Variants in ZFP36L1 observed in about 807,000 individuals in gnomAD.
The protein encoded by ZFP36L1 is ZFP36 like 1 zinc finger CCCH-type, also known as mRNA decay activator protein ZFP36L1.
ZFP36L1 carries 4 observed loss-of-function variants against 16.7 expected under a neutral mutation model. The observed-to-expected ratio is 0.24, with a 90% CI of 0.12 to 0.55. The LOEUF (loss-of-function observed/expected upper bound fraction) is 0.55. Ranked by LOEUF, ZFP36L1 falls within the 20% of genes least tolerant of loss-of-function variation. The probability of loss-of-function intolerance (pLI) is 0.94; values close to 1 mark genes in which losing one functional copy is unlikely to be tolerated. For missense variants in ZFP36L1, 311 were observed against 449.2 expected, an observed-to-expected ratio of 0.69 and a Z score of 2.78; for synonymous variants, 220 against 190.8, an observed-to-expected ratio of 1.15 and a Z score of -1.26.
chr14:68,791,907 G>A (rs1895082495), intron 1 of ZFP36L1, among the ~76,000 whole-genome samples: 1 of 152,132 alleles, frequency 6.6e-6, no homozygotes, highest in African/African-American at 2.4e-5. Context: ...GGAAAACAGA[G>A]CAACATGACC....
Position 68,790,166 on chromosome 14 carries a change from G to A in ZFP36L1, c.384C>T (p.Ala128=). Residue 128 remains alanine (A), a synonymous_variant, in exon 2 of 2, where the codon GCC becomes GCT. Coordinates refer to ENST00000439696, the MANE Select transcript of ZFP36L1 (RefSeq NM_004926.4). ...ACTGGCACTTGTCCCCGTACTTACA[G>A]GCACCGTTTTCCTCAAAGGGGCGGC... ...ELCRPFEENG[A]CKYGDKCQFA... 6.2e-7 allele frequency: 1 copy of A among 1,612,158 alleles called. No individual in the cohort carries two copies. The highest frequency in any genetic ancestry group is 1.1e-5 in the South Asian group (1 of 91,004).
At chr14:68,792,375 C>G (rs1211176970) in intron 1 of ZFP36L1, among the ~76,000 whole-genome samples, 1 of 152,298 alleles carries the variant, frequency 6.6e-6, no homozygotes, top group Admixed American at 6.5e-5. Flanking sequence ...TGAATCACAA[C>G]TTGGCCTTTC....
chr14:68,793,742 C>T (rs1566561630), upstream of ZFP36L1: 2 of 985,506 alleles, frequency 2.0e-6, no homozygotes, highest in Non-Finnish European at 2.4e-6. Context: ...ATGTTCAAGC[C>T]TAGGATTTTA....
chr14:68,793,834 T>C (rs1895178137), upstream of ZFP36L1: 7 of 979,236 alleles, frequency 7.1e-6, no homozygotes, highest in Non-Finnish European at 8.5e-6. Flanking sequence ...CAGGAGGACA[T>C]GGTCTGGCGG....
intron 1 of ZFP36L1, among the ~76,000 whole-genome samples, chr14:68,791,924 G>A (rs2140211008): frequency 6.6e-6 from 1 of 152,332 alleles, no homozygotes; most frequent in African/African-American, 2.4e-5. Flanking sequence ...GACCCGACGT[G>A]TTAAGAGAAG....
intron 1 of ZFP36L1, among the ~76,000 whole-genome samples, chr14:68,792,557 C>T (rs1895118757): frequency 6.6e-6 from 1 of 152,256 alleles, no homozygotes; most frequent in Non-Finnish European, 1.5e-5. Context: ...TCCAGCAGCA[C>T]GTTACGTAAA....
chr14:68,792,601 C>T (rs561269478), intron 1 of ZFP36L1, among the ~76,000 whole-genome samples: 3 of 152,092 alleles, frequency 2.0e-5, no homozygotes, highest in African/African-American at 7.2e-5. Flanking sequence ...CAATCCCAGC[C>T]CTCCCCCCGA....
In ZFP36L1 at chr14:68,790,447, G is replaced by A; in HGVS notation, c.103C>T (p.Leu35=). The part of the protein sequence containing the change: ...NYSAPSAGGC[L]LDRKAVGTPA... ...GTGCCCACTGCCTTTCTGTCCAGCA[G>A]GCAACCCCCTGCACTGGGAGCACTA... Residue 35 remains leucine (L), a synonymous_variant, in exon 2 of 2, where the codon CTG becomes TTG. Coordinates refer to ENST00000439696, the MANE Select transcript of ZFP36L1 (RefSeq NM_004926.4). 1.2e-6 allele frequency: 2 copies of A among 1,614,110 alleles called. No individual in the cohort carries two copies. Among genetic ancestry groups the A allele is most frequent in the Non-Finnish European group, 1.7e-6 (2 of 1,180,006 alleles).
In ZFP36L1 at chr14:68,788,416, C is replaced by G. The variant is rs1191118590; in HGVS notation, c.*1117G>C. ...TGCAGTGACAAGCAAAATTTTTGCT[C>G]TCCAATTTCTGAAAGTTATATGAAG... On this transcript the variant is annotated 3_prime_UTR_variant, in exon 2 of 2. Coordinates refer to ENST00000439696, the MANE Select transcript of ZFP36L1 (RefSeq NM_004926.4). 6.6e-6 allele frequency: 1 copy of G among 152,628 alleles called. No homozygotes were observed. The highest frequency in any genetic ancestry group is 1.5e-5 in the Non-Finnish European group (1 of 68,026). 9.5% of individuals were successfully genotyped at this position (152,628 alleles called of 1,614,324 possible).
At chr14:68,795,241 T>C (rs1895217027), upstream of ZFP36L1, among the ~76,000 whole-genome samples, 1 of 152,118 alleles carries the variant, frequency 6.6e-6, no homozygotes, top group Non-Finnish European at 1.5e-5. Context: ...ACCACAAGGT[T>C]AGTCTGAGTT....
In ZFP36L1 at chr14:68,789,377, A is replaced by C; in HGVS notation, c.*156T>G. The stretch of plus-strand genomic sequence containing the variant: ...TGTTAGGTGGGGTTATGAGGGGGAG[A>C]GGGAGGGCACATTCTGAGGTGCTGG... On this transcript the variant is annotated 3_prime_UTR_variant, in exon 2 of 2. Transcript: ENST00000439696. This position sits in a 1 kb window ranked among gnomAD's most constrained non-coding sequence, Gnocchi z 4.5. 1 of 1,096,888 alleles carries C rather than the reference A, an allele frequency of 9.1e-7. No homozygotes were observed. The highest frequency in any genetic ancestry group is 1.3e-6 in the Non-Finnish European group (1 of 777,698). 67.9% of individuals were successfully genotyped at this position (1,096,888 alleles called of 1,614,324 possible). A position where few individuals can be genotyped will look rare whatever the true frequency, so the allele number is the denominator to read the frequency against.
rs1895031394 is a variant in ZFP36L1 at position 68,790,232 on chromosome 14, C to G, written c.318G>C (p.Gly106=). ...ERLLPTQKQP[G]GGQVNSSRYK... is the part of the protein sequence containing the mutation. ...AGCGGCTGGAGTTGACCTGGCCGCC[C>G]CCGGGCTGCTTCTGGGTGGGCAGCA... Residue 106 remains glycine (G), a synonymous_variant, in exon 2 of 2, where the codon GGG becomes GGC. Transcript: ENST00000439696. The G allele has an allele frequency of 1.2e-6, 2 of 1,612,456 alleles. No homozygotes were observed. Among genetic ancestry groups the G allele is most frequent in the African/African-American group, 2.7e-5 (2 of 74,934 alleles).
chr14:68,796,212 G>A, upstream of ZFP36L1: 3 of 1,366,808 alleles, frequency 2.2e-6, no homozygotes, highest in Non-Finnish European at 2.9e-6. Flanking sequence ...GGAGGTGGTG[G>A]TGGGGTGGGA....
upstream of ZFP36L1, among the ~76,000 whole-genome samples, chr14:68,795,239 G>A (rs939810045): frequency 6.6e-6 from 1 of 152,132 alleles, no homozygotes; most frequent in African/African-American, 2.4e-5. Context: ...AAACCACAAG[G>A]TTAGTCTGAG....
At position 68,790,055 on chromosome 14, in the gene ZFP36L1, G is replaced by C; in HGVS notation, c.495C>G (p.Gly165=). 1 of 1,610,982 alleles carries C rather than the reference G, an allele frequency of 6.2e-7. No homozygotes were observed. Among genetic ancestry groups the C allele is most frequent in the South Asian group, 1.1e-5 (1 of 90,904 alleles). The change falls in exon 2 of 2, where the codon GGC becomes GGG. Residue 165 remains glycine (G), a synonymous_variant. Coordinates refer to ENST00000439696, the MANE Select transcript of ZFP36L1 (RefSeq NM_004926.4). ...TELCRTFHTI[G]FCPYGPRCHF... is the part of the protein sequence containing the mutation. ...GGCAGCGGGGCCCGTAGGGGCAAAA[G>C]CCGATGGTGTGGAAGGTGCGGCACA...
At position 68,792,992 on chromosome 14, in the gene ZFP36L1, G is replaced by C. The variant is rs1375186512; in HGVS notation, c.-54C>G. On this transcript the variant is annotated 5_prime_UTR_variant, in exon 1 of 2. Transcript: ENST00000439696. ...GGATCTGGTGTGTCGCGAAGGTCCC[G>C]GTGCGGGGAAGGCGCAGCCTCTCCT... 28 of 1,611,310 alleles carry C rather than the reference G, an allele frequency of 1.7e-5. No individual in the cohort carries two copies. The highest frequency in any genetic ancestry group is 2.4e-5 in the Non-Finnish European group (28 of 1,179,604).
In ZFP36L1 at chr14:68,790,601, A is replaced by T. The variant is rs998670158; in HGVS notation, c.58-109T>A. ...ACGCCCGCTCTTTCTCAAAGAACTC[A>T]TCTCTACCTCGGCTCTAGCAAGCTC... On this transcript the variant is annotated intron_variant, in intron 1 of 1. Coordinates refer to ENST00000439696, the MANE Select transcript of ZFP36L1 (RefSeq NM_004926.4). The T allele has an allele frequency of 2.8e-6, 4 of 1,449,646 alleles. No homozygotes were observed. The Admixed American group carries it at 6.0e-5, about 22-fold the overall frequency. The allele number at this position is 1,449,646 out of a possible 1,614,324, so 89.8% of individuals were successfully genotyped here.
At chr14:68,792,184 TC>T (rs374976069) in intron 1 of ZFP36L1, among the ~76,000 whole-genome samples, 4 of 145,940 alleles carry the variant, frequency 2.7e-5, no homozygotes, top group South Asian at 2.2e-4. Flanking sequence ...TGTCGCCACC[TC>T]CCCCCCCAAC....
rs766076255 is a variant in ZFP36L1 at position 68,789,838 on chromosome 14, G to A, written c.712C>T (p.Leu238=). ...CCATCGGGCAGGGTAGGTGAGCCCA[G>A]GAGGTCATCGGCGCTCAGAATAGGG... is the stretch of plus-strand genomic sequence containing the variant. ...PPPILSADDL[L]GSPTLPDGTN... is the part of the protein sequence containing the mutation. The change falls in exon 2 of 2, where the codon CTG becomes TTG. Residue 238 remains leucine, a synonymous_variant. Transcript: ENST00000439696. This position sits in a 1 kb window ranked among gnomAD's most constrained non-coding sequence, Gnocchi z 4.5. 2 of 1,611,604 alleles carry A rather than the reference G, an allele frequency of 1.2e-6. No individual in the cohort carries two copies. Among genetic ancestry groups the A allele is most frequent in the Non-Finnish European group, 1.7e-6 (2 of 1,179,998 alleles).
Sources: gnomAD v4.1 joint callset for allele counts (sites outside exome capture counted in the v4.1 genomes callset) on GRCh38, gnomAD v4.1.1 for gene constraint, Gnocchi (gnomAD v3.1) non-coding constraint, MANE v1.5 for transcripts, NCBI Gene and HGNC (gene_info 2026-07-23, HGNC 2026-07-21) for gene names.